The following EDAR variants were observed in gnomAD, a reference collection of about 807,000 sequenced individuals.
The protein encoded by EDAR is ectodysplasin A receptor, also known as tumor necrosis factor receptor superfamily member EDAR.
A neutral mutation model predicts 51.3 loss-of-function variants in EDAR; 38 were observed. That is an observed-to-expected ratio of 0.74 (90% CI 0.57 to 0.97). The LOEUF is 0.97. Ranked by LOEUF, EDAR falls within the 50% of genes least tolerant of loss-of-function variation. The pLI, the probability that EDAR is intolerant of heterozygous loss-of-function variation, is 0.00. For missense variants in EDAR, 528 were observed against 595.0 expected (o/e 0.89, Z 1.17); for synonymous variants, 227 against 242.1 (o/e 0.94, Z 0.58).
At chr2:108,925,477 C>T (rs989154542) in intron 4 of EDAR, among the ~76,000 whole-genome samples, 2 of 152,208 alleles carry the variant, frequency 1.3e-5, no homozygotes, top group African/African-American at 4.8e-5. Context: ...GTGGCTCTGT[C>T]CCACGACTGT....
intron 1 of EDAR, among the ~76,000 whole-genome samples, chr2:108,932,277 C>A (rs1697379346): frequency 6.6e-6 from 1 of 151,854 alleles, no homozygotes; most frequent in Non-Finnish European, 1.5e-5. Context: ...ACCTGTAATC[C>A]CAGCACTTTG....
chr2:108,942,819 G>A (rs537231126), intron 1 of EDAR, among the ~76,000 whole-genome samples: 3 of 152,356 alleles, frequency 2.0e-5, no homozygotes, highest in East Asian at 1.9e-4. Context: ...AAACTCAACA[G>A]CAGCAACAAA....
In EDAR at chr2:108,971,031, G is replaced by C. The variant is rs1341015066; in HGVS notation, c.-19+17929C>G. On this transcript the variant is annotated intron_variant, in intron 1 of 11. Coordinates refer to ENST00000258443, the MANE Select transcript of EDAR (RefSeq NM_022336.4). ...CCTGCTGTGGACCTGAGGGGACAGG[G>C]GATGATGCTGGTGGTGGGGAAATCA... Among the ~76,000 whole-genome samples the C allele has an allele frequency of 6.6e-5, 10 of 152,256 alleles. No individual in the cohort carries two copies. In the East Asian group the frequency reaches 1.9e-3, roughly 30 times the overall value.
At chr2:108,901,703 A>C (rs1187524452) in intron 11 of EDAR, among the ~76,000 whole-genome samples, 1 of 152,236 alleles carries the variant, frequency 6.6e-6, no homozygotes, top group Non-Finnish European at 1.5e-5. Flanking sequence ...GATAACTTAG[A>C]TGAAAATAAA....
At chr2:108,906,539 C>T (rs989255858) in intron 10 of EDAR, among the ~76,000 whole-genome samples, 171 bp from the exon 11 acceptor site, 4 of 152,226 alleles carry the variant, frequency 2.6e-5, no homozygotes, top group Non-Finnish European at 5.9e-5. Context: ...GGGCCTTCTT[C>T]AGGTTTTCCT....
At chr2:108,897,940 G>C (rs1696630850) in intron 11 of EDAR, among the ~76,000 whole-genome samples, 1 of 152,152 alleles carries the variant, frequency 6.6e-6, no homozygotes, top group Non-Finnish European at 1.5e-5. Flanking sequence ...GATGGTGATG[G>C]TGGTAAGTTC....
Position 108,897,131 on chromosome 2 carries a change from G to A in EDAR, c.1123C>T (p.Arg375Cys), listed in dbSNP as rs764390189. The change falls in exon 12 of 12, where the codon CGC (arginine) becomes TGC (cysteine). Residue 375 changes from arginine to cysteine, a missense_variant. Coordinates refer to ENST00000258443, the MANE Select transcript of EDAR (RefSeq NM_022336.4). Reference sequence around the variant, plus strand: ...AGGCCGAAGCTCTCGGCGAGGTGGCGCCACGTTTTCACAACAGCCTTCTCA... The same window carrying A: ...AGGCCGAAGCTCTCGGCGAGGTGGCACCACGTTTTCACAACAGCCTTCTCA... ...NSEKAVVKTW[R>C]HLAESFGLKR... The A allele has an allele frequency of 3.7e-6, 6 of 1,613,898 alleles. No individual in the cohort carries two copies. The highest frequency in any genetic ancestry group is 4.5e-5 in the East Asian group (2 of 44,866).
intron 1 of EDAR, among the ~76,000 whole-genome samples, chr2:108,933,184 C>T (rs1354817932): frequency 6.6e-6 from 1 of 152,208 alleles, no homozygotes; most frequent in Non-Finnish European, 1.5e-5. Context: ...TTTCTAAATG[C>T]ATGAAAGCAG....
chr2:108,949,579 T>C (rs1332462636), intron 1 of EDAR, among the ~76,000 whole-genome samples: 1 of 152,190 alleles, frequency 6.6e-6, no homozygotes, highest in African/African-American at 2.4e-5. Context: ...AATTGCATCA[T>C]AAAATCTTTT....
At position 108,933,684 on chromosome 2, in the gene EDAR, T is replaced by C. The variant is rs1236650828; in HGVS notation, c.-18-2652A>G. ...AAACACTAAATGGACTGAGGCAAGATTGAGGAGCCAGCCACCCCAGTGGTG... is the reference window on the plus strand; with the variant it reads ...AAACACTAAATGGACTGAGGCAAGACTGAGGAGCCAGCCACCCCAGTGGTG... On this transcript the variant is annotated intron_variant, in intron 1 of 11. Coordinates refer to ENST00000258443, the MANE Select transcript of EDAR (RefSeq NM_022336.4). Among the ~76,000 whole-genome samples the C allele has an allele frequency of 3.3e-5, 5 of 152,132 alleles. No individual in the cohort carries two copies. The East Asian group carries it at 7.7e-4, about 24-fold the overall frequency.
At chr2:108,898,044 A>G (rs1056280032) in intron 11 of EDAR, among the ~76,000 whole-genome samples, 1 of 152,226 alleles carries the variant, frequency 6.6e-6, no homozygotes, top group African/African-American at 2.4e-5. Context: ...AACAGCCCCA[A>G]CAAAAGTCTT....
At chr2:108,939,475 C>A (rs369234405) in intron 1 of EDAR, among the ~76,000 whole-genome samples, 3 of 152,246 alleles carry the variant, frequency 2.0e-5, no homozygotes, top group East Asian at 3.9e-4. Context: ...GACAGATTAC[C>A]AGGTGGGGAG....
chr2:108,964,531 T>G (rs1046868605), intron 1 of EDAR, among the ~76,000 whole-genome samples: 7 of 151,986 alleles, frequency 4.6e-5, no homozygotes, highest in African/African-American at 1.7e-4. Flanking sequence ...CCCAACAAAC[T>G]CCAAAAGCCC....
At chr2:108,943,794 T>C (rs1313409671) in intron 1 of EDAR, among the ~76,000 whole-genome samples, 1 of 152,258 alleles carries the variant, frequency 6.6e-6, no homozygotes, top group East Asian at 1.9e-4. Flanking sequence ...TCTGTGTTGC[T>C]CCGCAGCACA....
intron 11 of EDAR, among the ~76,000 whole-genome samples, chr2:108,902,083 C>G (rs953008428): frequency 5.3e-5 from 8 of 151,650 alleles, no homozygotes; most frequent in Non-Finnish European, 2.9e-5. Context: ...ACTAAAAATA[C>G]AAAAATTAGC....
chr2:108,904,427 C>G (rs569390524), intron 11 of EDAR, among the ~76,000 whole-genome samples: 13 of 152,230 alleles, frequency 8.5e-5, no homozygotes, highest in Non-Finnish European at 1.5e-4. Flanking sequence ...ATCAACCATG[C>G]AACTATCATA....
At chr2:108,929,403 G>C (rs779758105) in intron 3 of EDAR, 24 bp from the exon 4 acceptor site, 1 of 1,612,986 alleles carries the variant, frequency 6.2e-7, no homozygotes, top group Non-Finnish European at 8.5e-7. Context: ...GAGGACAGGG[G>C]ACACAGGTGA....
intron 1 of EDAR, among the ~76,000 whole-genome samples, chr2:108,967,312 CAT>C (rs1189897134): frequency 1.3e-5 from 2 of 152,100 alleles, no homozygotes; most frequent in Non-Finnish European, 2.9e-5. Context: ...AGGAAAAAAA[CAT>C]GAAGAATATC....
At chr2:108,909,135 A>G (rs185244750) in intron 9 of EDAR, among the ~76,000 whole-genome samples, 5 of 152,332 alleles carry the variant, frequency 3.3e-5, no homozygotes, top group Admixed American at 1.3e-4. Flanking sequence ...AAAGCAGTAT[A>G]TATTTTTTCC....
Sources: gnomAD v4.1 joint callset for allele counts (sites outside exome capture counted in the v4.1 genomes callset) on GRCh38, gnomAD v4.1.1 for gene constraint, MANE v1.5 for transcripts, NCBI Gene and HGNC (gene_info 2026-07-23, HGNC 2026-07-21) for gene names.